MYO16: variants seen among roughly 807,000 people sequenced by gnomAD.
MYO16 encodes the protein myosin XVI.
Under a neutral mutation model 205.3 loss-of-function variants are expected in MYO16, and 94 were observed. The ratio of observed to expected loss-of-function variants is 0.46; its 90% CI spans 0.39 to 0.54. The LOEUF is 0.54. Ranked by LOEUF, MYO16 falls within the 20% of genes least tolerant of loss-of-function variation. The probability of loss-of-function intolerance (pLI) is 0.00; values close to 1 mark genes in which losing one functional copy is unlikely to be tolerated. For missense variants in MYO16, 2,315 were observed against 2,387.5 expected (o/e 0.97, Z 0.63); for synonymous variants, 988 against 954.0 (o/e 1.04, Z -0.66).
intron 20 of MYO16, among the ~76,000 whole-genome samples, chr13:108,972,993 G>C (rs79444418): frequency 6.6e-6 from 1 of 152,016 alleles, no homozygotes; most frequent in South Asian, 2.1e-4. Context: ...TGGGAACAGC[G>C]GACAGGTGCT....
chr13:108,884,378 G>C (rs1252119528), intron 13 of MYO16, among the ~76,000 whole-genome samples: 1 of 152,248 alleles, frequency 6.6e-6, no homozygotes, highest in Non-Finnish European at 1.5e-5. Context: ...CAAGGATGAG[G>C]AAGGTGCTGA....
At chr13:109,099,831 T>C (rs1888901811) in intron 27 of MYO16, among the ~76,000 whole-genome samples, 1 of 152,206 alleles carries the variant, frequency 6.6e-6, no homozygotes, top group Non-Finnish European at 1.5e-5. Flanking sequence ...CCTCCCTTAA[T>C]TGCACTAAGG....
intron 4 of MYO16, among the ~76,000 whole-genome samples, chr13:108,761,402 C>T (rs1466263428): frequency 6.6e-6 from 1 of 152,080 alleles, no homozygotes; most frequent in African/African-American, 2.4e-5. Context: ...AGATGGTGTG[C>T]CATAAAATGC....
At chr13:108,973,931 C>A (rs1431210440) in intron 20 of MYO16, among the ~76,000 whole-genome samples, 1 of 151,702 alleles carries the variant, frequency 6.6e-6, no homozygotes, top group Non-Finnish European at 1.5e-5. Context: ...TTGAAGAATT[C>A]TGCTGGCTGG....
intron 4 of MYO16, among the ~76,000 whole-genome samples, chr13:108,750,497 A>T (rs1282239130): frequency 6.6e-6 from 1 of 151,902 alleles, no homozygotes; most frequent in Admixed American, 6.6e-5. Flanking sequence ...GGCAGGGCAC[A>T]GTGGCTCACA....
intron 23 of MYO16, among the ~76,000 whole-genome samples, chr13:109,039,303 A>G (rs1170680794): frequency 1.3e-5 from 2 of 152,196 alleles, no homozygotes; most frequent in African/African-American, 4.8e-5. Flanking sequence ...GACATAGGCA[A>G]TCGGCAAGGG....
At position 109,141,283 on chromosome 13, in the gene MYO16, A is replaced by G; in HGVS notation, c.5071A>G (p.Ser1691Gly). The G allele has an allele frequency of 6.3e-7, 1 of 1,598,900 alleles. No homozygotes were observed. Among genetic ancestry groups the G allele is most frequent in the Non-Finnish European group, 8.5e-7 (1 of 1,173,200 alleles). Residue 1691 changes from serine to glycine, a missense_variant, in exon 32 of 35, where the codon AGC becomes GGC. By Grantham distance (56) the Ser-to-Gly change is moderately conservative. Transcript: ENST00000457511. This position sits in a 1 kb window ranked among gnomAD's most constrained non-coding sequence, Gnocchi z 4.1. ...PYSPPSSRPL[S>G]SPLDELASLF... is the part of the protein sequence containing the mutation. ...CAGCCCTCCCAGCTCCAGGCCTCTCAGCAGCCCCCTGGACGAGCTCGCCAG... is the reference window on the plus strand; with the variant it reads ...CAGCCCTCCCAGCTCCAGGCCTCTCGGCAGCCCCCTGGACGAGCTCGCCAG...
At chr13:109,172,966 C>T (rs1476548784) in intron 33 of MYO16, among the ~76,000 whole-genome samples, 1 of 152,178 alleles carries the variant, frequency 6.6e-6, no homozygotes, top group Non-Finnish European at 1.5e-5. Flanking sequence ...ACTTTGATGG[C>T]TTGTGCTGGT....
intron 22 of MYO16, among the ~76,000 whole-genome samples, chr13:109,014,305 G>C (rs1169183446): frequency 6.6e-6 from 1 of 152,104 alleles, no homozygotes; most frequent in East Asian, 1.9e-4. Context: ...CTGAGCCTCT[G>C]TTCTGTTCCA....
chr13:108,681,162 T>G (rs1882445453), intron 2 of MYO16, among the ~76,000 whole-genome samples: 1 of 152,210 alleles, frequency 6.6e-6, no homozygotes, highest in African/African-American at 2.4e-5. Context: ...AAAATATGCT[T>G]CTCTTTCCCA....
chr13:108,644,350 A>ATCTGTCTG (rs556879468), intron 1 of MYO16, among the ~76,000 whole-genome samples: 3,499 of 138,338 alleles, frequency 0.025, 103 homozygotes, highest in African/African-American at 0.074. Context: ...TCTACCATCT[A>ATCTGTCTG]TCTGTCTGTC....
chr13:108,537,424 C>A, the MYO16 span, among the ~76,000 whole-genome samples: 1 of 152,082 alleles, frequency 6.6e-6, no homozygotes, highest in African/African-American at 2.4e-5. Context: ...AGGTTGATTC[C>A]ATGACTTTGC....
chr13:108,928,284 G>A (rs999699421), intron 16 of MYO16, among the ~76,000 whole-genome samples: 20 of 152,176 alleles, frequency 1.3e-4, no homozygotes, highest in Admixed American at 9.2e-4. Flanking sequence ...GCCCCATCAC[G>A]TGTCCGGTAA....
chr13:109,171,666 A>T (rs1247125119), intron 33 of MYO16, among the ~76,000 whole-genome samples: 3 of 152,194 alleles, frequency 2.0e-5, no homozygotes, highest in African/African-American at 7.2e-5. Context: ...TTTTAGTGTT[A>T]GAACATTTTA....
intron 1 of MYO16, among the ~76,000 whole-genome samples, chr13:108,602,261 A>T (rs780625402): frequency 2.0e-5 from 3 of 152,112 alleles, no homozygotes; most frequent in Admixed American, 1.3e-4. Flanking sequence ...AGGACCCTGA[A>T]TGGACTGAGG....
rs556043218 is a variant in MYO16 at position 108,801,525 on chromosome 13, A to G, written c.742-5154A>G. Among the ~76,000 whole-genome samples, 4 of 152,378 alleles carry G rather than the reference A, an allele frequency of 2.6e-5. No individual in the cohort carries two copies. In the South Asian group the frequency reaches 8.3e-4, roughly 32 times the overall value. On this transcript the variant is annotated intron_variant, in intron 6 of 34. Transcript: ENST00000457511. ...AATCAATATCAAAAATGGTAACTACATAAATATCCCACAATTAGGAATTAG... is the reference window on the plus strand; with the variant it reads ...AATCAATATCAAAAATGGTAACTACGTAAATATCCCACAATTAGGAATTAG...
intron 4 of MYO16, among the ~76,000 whole-genome samples, chr13:108,758,233 G>A (rs977167164): frequency 1.3e-5 from 2 of 152,172 alleles, no homozygotes; most frequent in Admixed American, 6.5e-5. Context: ...AAGGTATTTT[G>A]CTATAGTAGT....
chr13:108,603,353 C>G (rs767815528), intron 1 of MYO16, among the ~76,000 whole-genome samples: 1 of 152,082 alleles, frequency 6.6e-6, no homozygotes, highest in Non-Finnish European at 1.5e-5. Flanking sequence ...TTAATTGGCT[C>G]TAAAATTAGT....
chr13:108,549,958 G>C, the MYO16 span, among the ~76,000 whole-genome samples: 1 of 152,262 alleles, frequency 6.6e-6, no homozygotes, highest in Admixed American at 6.5e-5. Flanking sequence ...GCATGGGCAA[G>C]ATACTTTGGA....
Sources: allele counts gnomAD v4.1 joint callset (sites outside exome capture counted in the v4.1 genomes callset), GRCh38; gene constraint gnomAD v4.1.1; non-coding constraint Gnocchi (gnomAD v3.1); transcripts MANE v1.5; gene names NCBI Gene and HGNC (gene_info 2026-07-23, HGNC 2026-07-21).